Variants in LUZP2 observed in about 807,000 individuals in gnomAD.
LUZP2 encodes the protein leucine zipper protein 2.
A neutral mutation model predicts 51.6 loss-of-function variants in LUZP2; 52 were observed. That is an observed-to-expected ratio of 1.01 (90% CI 0.81 to 1.27). The LOEUF (loss-of-function observed/expected upper bound fraction) is 1.27. Among genes scored for constraint, LUZP2 ranks in the 50% most tolerant of loss-of-function variants. LUZP2 has a pLI of 0.00. For missense variants in LUZP2, 436 were observed against 395.4 expected (o/e 1.10, Z -0.87); for synonymous variants, 154 against 137.3 (o/e 1.12, Z -0.85).
rs555688632 is a variant in LUZP2, at chr11:24,687,675, T to G, written c.63-41494T>G. Among the ~76,000 whole-genome samples, 5 of 152,286 alleles carry G rather than the reference T, an allele frequency of 3.3e-5. No homozygotes were observed. In the South Asian group the frequency reaches 1.0e-3, roughly 32 times the overall value. ...CCTACTTGGAGTAATTGTGCCAGTT[T>G]AGTCTTGATTTTCCCCACTCTATTT... On this transcript the variant is annotated intron_variant, in intron 1 of 11. Coordinates refer to ENST00000336930, the MANE Select transcript of LUZP2 (RefSeq NM_001009909.4).
intron 1 of LUZP2, among the ~76,000 whole-genome samples, chr11:24,607,861 A>G (rs1222508939): frequency 1.6e-5 from 2 of 123,440 alleles, no homozygotes; most frequent in African/African-American, 6.3e-5. Flanking sequence ...TTTAGTTTTT[A>G]TTTTTGAGAC....
At chr11:24,830,983 G>T (rs570551930) in intron 5 of LUZP2, among the ~76,000 whole-genome samples, 1 of 150,394 alleles carries the variant, frequency 6.6e-6, no homozygotes, top group East Asian at 1.9e-4. Context: ...GACAGAGAGA[G>T]ACTCCCTCTC....
At chr11:25,048,006 A>C (rs1858371814) in intron 9 of LUZP2, among the ~76,000 whole-genome samples, 1 of 151,980 alleles carries the variant, frequency 6.6e-6, no homozygotes. Context: ...GACAGGAGAC[A>C]CATGATGTTA....
chr11:24,881,017 T>A (rs2134293543), intron 5 of LUZP2, among the ~76,000 whole-genome samples: 1 of 152,294 alleles, frequency 6.6e-6, no homozygotes, highest in African/African-American at 2.4e-5. Context: ...TTTGTATGAA[T>A]CTGGGCTTTG....
At chr11:24,824,538 A>G (rs1850468325) in intron 5 of LUZP2, among the ~76,000 whole-genome samples, 1 of 151,990 alleles carries the variant, frequency 6.6e-6, no homozygotes, top group Admixed American at 6.6e-5. Context: ...GTGAGCTAAG[A>G]AGTAAGTCAC....
chr11:24,901,485 A>G (rs936748917), intron 5 of LUZP2, among the ~76,000 whole-genome samples: 1 of 152,208 alleles, frequency 6.6e-6, no homozygotes, highest in African/African-American at 2.4e-5. Context: ...TATTTGAGAA[A>G]AAATTCTTCA....
At chr11:24,538,019 T>A in intron 1 of LUZP2, among the ~76,000 whole-genome samples, 1 of 151,660 alleles carries the variant, frequency 6.6e-6, no homozygotes, top group East Asian at 1.9e-4. Flanking sequence ...GCCACTTCTT[T>A]GAAGAGAAGG....
chr11:24,587,724 CAT>C (rs1254061294), intron 1 of LUZP2, among the ~76,000 whole-genome samples: 1 of 151,926 alleles, frequency 6.6e-6, no homozygotes, highest in African/African-American at 2.4e-5. Context: ...ATATTGGAGA[CAT>C]AGAAACAACT....
chr11:25,066,145 C>T (rs974774514), intron 10 of LUZP2, among the ~76,000 whole-genome samples: 10 of 147,854 alleles, frequency 6.8e-5, no homozygotes, highest in African/African-American at 1.8e-4. Context: ...TTTGTCTTCT[C>T]GGGGGATTTT....
intron 10 of LUZP2, among the ~76,000 whole-genome samples, chr11:25,062,829 T>C (rs944096628): frequency 6.6e-6 from 1 of 151,398 alleles, no homozygotes; most frequent in Non-Finnish European, 1.5e-5. Context: ...TTTATATAAA[T>C]AAACATTGTA....
At chr11:24,880,451 T>C (rs922826165) in intron 5 of LUZP2, among the ~76,000 whole-genome samples, 4 of 152,174 alleles carry the variant, frequency 2.6e-5, no homozygotes, top group Admixed American at 1.3e-4. Flanking sequence ...TGAATTTTTG[T>C]GTAGAGAGTT....
chr11:24,971,076 A>G (rs1012024586), intron 7 of LUZP2, among the ~76,000 whole-genome samples: 19 of 152,162 alleles, frequency 1.2e-4, no homozygotes, highest in African/African-American at 4.3e-4. Flanking sequence ...ATTCTCACTT[A>G]TAAGTAGGAG....
intron 2 of LUZP2, among the ~76,000 whole-genome samples, chr11:24,730,211 T>C (rs1858663585): frequency 6.6e-6 from 1 of 151,790 alleles, no homozygotes. Flanking sequence ...CAGTGCTAGA[T>C]ACTCTTTCTA....
chr11:24,628,964 A>G (rs897020495), intron 1 of LUZP2, among the ~76,000 whole-genome samples: 1 of 152,190 alleles, frequency 6.6e-6, no homozygotes, highest in Non-Finnish European at 1.5e-5. Context: ...GTAAAAGATT[A>G]GATCTATATA....
chr11:24,739,779 T>G (rs1859066884), intron 4 of LUZP2, among the ~76,000 whole-genome samples: 1 of 152,108 alleles, frequency 6.6e-6, no homozygotes, highest in Non-Finnish European at 1.5e-5. Context: ...TTTCCAACAA[T>G]GATTGTTGAC....
chr11:24,659,626 G>A (rs968812709), intron 1 of LUZP2, among the ~76,000 whole-genome samples: 14 of 151,378 alleles, frequency 9.2e-5, no homozygotes, highest in African/African-American at 2.9e-4. Context: ...CATAATTTTG[G>A]CAGCCCGTTC....
chr11:24,521,549 G>T (rs959074798), intron 1 of LUZP2, among the ~76,000 whole-genome samples: 2 of 152,144 alleles, frequency 1.3e-5, no homozygotes, highest in African/African-American at 4.8e-5. Context: ...AAGCTTTGTA[G>T]ACTTACAGTA....
chr11:24,524,363 G>A (rs1282046979), intron 1 of LUZP2, among the ~76,000 whole-genome samples: 1 of 151,710 alleles, frequency 6.6e-6, no homozygotes, highest in Non-Finnish European at 1.5e-5. Flanking sequence ...GAGAACGCAA[G>A]TTTTGGTAAA....
In LUZP2 at chr11:24,637,297, A is replaced by G. The variant is rs539147029; in HGVS notation, c.63-91872A>G. ...TTATAATTTCTTATGTCTGTCTTTAATCTCTTAATCCCATCATCTTTGTAA... is the reference window on the plus strand; with the variant it reads ...TTATAATTTCTTATGTCTGTCTTTAGTCTCTTAATCCCATCATCTTTGTAA... On this transcript the variant is annotated intron_variant, in intron 1 of 11. Coordinates refer to ENST00000336930, the MANE Select transcript of LUZP2 (RefSeq NM_001009909.4). Among the ~76,000 whole-genome samples, 21 of 151,906 alleles carry G rather than the reference A, an allele frequency of 1.4e-4. No individual in the cohort carries two copies. In the South Asian group the frequency reaches 4.4e-3, roughly 32 times the overall value.
Sources: allele counts gnomAD v4.1 joint callset (sites outside exome capture counted in the v4.1 genomes callset), GRCh38; gene constraint gnomAD v4.1.1; transcripts MANE v1.5; gene names NCBI Gene and HGNC (gene_info 2026-07-23, HGNC 2026-07-21).